The following DCDC1 variants were observed in gnomAD, a reference collection of about 807,000 sequenced individuals.
The protein encoded by DCDC1 is doublecortin domain-containing protein 1.
DCDC1 carries 200 observed loss-of-function variants against 178.3 expected under a neutral mutation model. That is an observed-to-expected ratio of 1.12 (90% confidence interval 1.00 to 1.26). The LOEUF (loss-of-function observed/expected upper bound fraction) is 1.26. Among genes scored for constraint, DCDC1 ranks in the 50% most tolerant of loss-of-function variants. The pLI is 0.00. For missense variants in DCDC1, 1,983 were observed against 1,749.2 expected (o/e 1.13, Z -2.38); for synonymous variants, 690 against 604.8 (o/e 1.14, Z -2.07).
chr11:31,349,164 G>A (rs972662507), intron 1 of DCDC1, among the ~76,000 whole-genome samples: 6 of 152,000 alleles, frequency 3.9e-5, no homozygotes, highest in South Asian at 2.1e-4. Context: ...AATATCCTAC[G>A]GTAAATCTAG....
chr11:30,971,439 T>C (rs112056859), intron 20 of DCDC1, among the ~76,000 whole-genome samples: 55 of 151,992 alleles, frequency 3.6e-4, no homozygotes, highest in African/African-American at 1.2e-3. Context: ...ATAATTCAAA[T>C]ATAAATGAGA....
intron 9 of DCDC1, among the ~76,000 whole-genome samples, chr11:31,163,738 G>GA (rs1487020946): frequency 6.6e-5 from 10 of 152,234 alleles, no homozygotes; most frequent in African/African-American, 1.9e-4. Context: ...TTTAAGGGGG[G>GA]ATGGTACGAT....
intron 9 of DCDC1, among the ~76,000 whole-genome samples, chr11:31,206,760 T>C (rs1397533733): frequency 6.6e-6 from 1 of 152,120 alleles, no homozygotes; most frequent in African/African-American, 2.4e-5. Context: ...ATTTCAGAGA[T>C]TCAGACCTTC....
intron 1 of DCDC1, among the ~76,000 whole-genome samples, chr11:31,344,612 A>C (rs1031410466): frequency 6.6e-6 from 1 of 152,228 alleles, no homozygotes; most frequent in African/African-American, 2.4e-5. Flanking sequence ...GGCACATAGT[A>C]GGCACCATGT....
chr11:30,969,470 G>T (rs1161734069), intron 20 of DCDC1, among the ~76,000 whole-genome samples: 1 of 152,150 alleles, frequency 6.6e-6, no homozygotes, highest in Non-Finnish European at 1.5e-5. Context: ...ACTGACACTT[G>T]ATTTTGGCTC....
At chr11:30,947,684 G>A (rs1286664537) in intron 21 of DCDC1, among the ~76,000 whole-genome samples, 1 of 152,036 alleles carries the variant, frequency 6.6e-6, no homozygotes, top group African/African-American at 2.4e-5. Context: ...CAGCACAAAA[G>A]CACAAGAAAC....
chr11:31,178,838 G>T (rs772121082), intron 9 of DCDC1, among the ~76,000 whole-genome samples: 2 of 152,012 alleles, frequency 1.3e-5, no homozygotes, highest in Non-Finnish European at 2.9e-5. Flanking sequence ...GATTACAGGC[G>T]CCTGCCACCA....
At chr11:31,085,606 A>G (rs2135611485) in intron 17 of DCDC1, among the ~76,000 whole-genome samples, 1 of 152,160 alleles carries the variant, frequency 6.6e-6, no homozygotes, top group South Asian at 2.1e-4. Context: ...ATTCTATTGT[A>G]TAGATTATCT....
intron 7 of DCDC1, among the ~76,000 whole-genome samples, chr11:31,282,034 A>T (rs954846707): frequency 6.6e-6 from 1 of 152,094 alleles, no homozygotes; most frequent in Non-Finnish European, 1.5e-5. Context: ...TATGATTAGG[A>T]GGATATTGGT....
intron 21 of DCDC1, among the ~76,000 whole-genome samples, chr11:30,949,889 G>T (rs1948308725): frequency 6.6e-6 from 1 of 152,072 alleles, no homozygotes; most frequent in Non-Finnish European, 1.5e-5. Context: ...AGCATTAGGA[G>T]AAATACCTAA....
rs529074407 is a variant in DCDC1, at chr11:31,305,839, C to T, written c.592-62G>A. 1.8e-4 allele frequency: 285 copies of T among 1,559,876 alleles called. 3 individuals carry two copies. The South Asian group carries it at 3.0e-3, about 17-fold the overall frequency. ...TACAAAGAAAGTAATATATTTCCCT[C>T]AAAACAAAAGGTTCTAATGATCAAA... is the stretch of plus-strand genomic sequence containing the variant. On this transcript the variant is annotated intron_variant, in intron 5 of 38. Coordinates refer to ENST00000684477, the MANE Select transcript of DCDC1 (RefSeq NM_001387274.1).
chr11:31,229,660 G>C (rs1304760779), intron 9 of DCDC1, among the ~76,000 whole-genome samples: 1 of 152,112 alleles, frequency 6.6e-6, no homozygotes, highest in African/African-American at 2.4e-5. Context: ...AAAGGCCTCA[G>C]ATATTAAGGG....
chr11:31,190,679 C>T (rs1970032599), intron 9 of DCDC1, among the ~76,000 whole-genome samples: 1 of 152,090 alleles, frequency 6.6e-6, no homozygotes. Context: ...ATTTTACTCA[C>T]ACTCTTATCA....
At chr11:31,048,012 G>A (rs1316001859) in intron 20 of DCDC1, among the ~76,000 whole-genome samples, 2 of 151,972 alleles carry the variant, frequency 1.3e-5, no homozygotes, top group African/African-American at 4.8e-5. Flanking sequence ...ACCAAGAACT[G>A]GGCTCAACTT....
At chr11:31,348,445 C>T (rs566959502) in intron 1 of DCDC1, among the ~76,000 whole-genome samples, 11 of 152,292 alleles carry the variant, frequency 7.2e-5, no homozygotes, top group African/African-American at 2.4e-4. Flanking sequence ...ACTGGAAACA[C>T]TTAGGTAGAG....
At chr11:30,935,164 G>A (rs796621771) in intron 21 of DCDC1, among the ~76,000 whole-genome samples, 20 of 152,258 alleles carry the variant, frequency 1.3e-4, no homozygotes, top group African/African-American at 4.8e-4. Flanking sequence ...TGGCCCCTTG[G>A]ACACATGTAG....
chr11:30,991,125 A>T (rs1950953339), intron 20 of DCDC1, among the ~76,000 whole-genome samples: 1 of 152,182 alleles, frequency 6.6e-6, no homozygotes, highest in Admixed American at 6.6e-5. Flanking sequence ...GGTAACCATG[A>T]GGAGGCTGGC....
chr11:30,913,505 CT>C (rs938479505), intron 27 of DCDC1, among the ~76,000 whole-genome samples: 1 of 152,196 alleles, frequency 6.6e-6, no homozygotes, highest in African/African-American at 2.4e-5. Flanking sequence ...ACTGGGCCCC[CT>C]GATGCTCCAC....
At chr11:31,355,276 T>C (rs996942783) in intron 1 of DCDC1, among the ~76,000 whole-genome samples, 5 of 152,164 alleles carry the variant, frequency 3.3e-5, no homozygotes, top group African/African-American at 1.2e-4. Flanking sequence ...ATCTCTGTCA[T>C]GAGACCAGCT....
Sources: gnomAD v4.1 joint callset for allele counts (sites outside exome capture counted in the v4.1 genomes callset) on GRCh38, gnomAD v4.1.1 for gene constraint, MANE v1.5 for transcripts, NCBI Gene and HGNC (gene_info 2026-07-23, HGNC 2026-07-21) for gene names.